The following CORO2A variants were observed in gnomAD, a reference collection of about 807,000 sequenced individuals.
CORO2A encodes the protein coronin 2A.
A neutral mutation model predicts 62.4 loss-of-function variants in CORO2A; 47 were observed. The observed-to-expected ratio is 0.75, with a 90% CI of 0.60 to 0.96. The LOEUF (loss-of-function observed/expected upper bound fraction) is 0.96, where lower values mean the gene tolerates loss of function less well. Ranked by LOEUF, CORO2A falls within the 40% of genes least tolerant of loss-of-function variation. The probability of loss-of-function intolerance (pLI) is 0.00; values close to 1 mark genes in which losing one functional copy is unlikely to be tolerated. For synonymous variants in CORO2A, 273 were observed against 268.9 expected (o/e 1.02, Z -0.15); for missense variants, 610 against 684.1 (o/e 0.89, Z 1.21).
chr9:98,189,580 A>G (rs936464214), intron 1 of CORO2A, among the ~76,000 whole-genome samples: 9 of 152,160 alleles, frequency 5.9e-5, no homozygotes, highest in Non-Finnish European at 1.3e-4. Flanking sequence ...GTTGGCTGTC[A>G]GAGCTCAAAC....
At chr9:98,145,427 T>C (rs1470408834) in intron 2 of CORO2A, among the ~76,000 whole-genome samples, 5 of 152,132 alleles carry the variant, frequency 3.3e-5, no homozygotes, top group Non-Finnish European at 5.9e-5. Flanking sequence ...ATTCCTTGAG[T>C]ATGTTCTTGT....
chr9:98,157,592 C>A lies in CORO2A; in HGVS notation c.69G>T (p.Glu23Asp). 1.9e-6 allele frequency: 3 copies of A among 1,614,102 alleles called. No individual in the cohort carries two copies. The highest frequency in any genetic ancestry group is 2.2e-5 in the South Asian group (2 of 91,090). ...TGATAGGCACGGAGTCGTAGCAGTTCTCCTTGCTGGCTGGTTTGCCAAAGA... is the reference window on the plus strand; with the variant it reads ...TGATAGGCACGGAGTCGTAGCAGTTATCCTTGCTGGCTGGTTTGCCAAAGA... The part of the protein sequence containing the change: ...RHVFGKPASK[E>D]NCYDSVPITR... The change falls in exon 2 of 12, where the codon GAG becomes GAT. Residue 23 changes from glutamate (E) to aspartate (D), a missense_variant. Glu to Asp is a conservative substitution (Grantham distance 45). Transcript: ENST00000375077.
At chr9:98,174,724 G>A (rs144091289) in intron 1 of CORO2A, among the ~76,000 whole-genome samples, 343 of 152,256 alleles carry the variant, frequency 2.3e-3, no homozygotes, top group Non-Finnish European at 3.8e-3. Flanking sequence ...TGTGAAGAAG[G>A]TGCCAGCTTC....
chr9:98,165,275 A>G (rs919983684), intron 1 of CORO2A, among the ~76,000 whole-genome samples: 1 of 152,160 alleles, frequency 6.6e-6, no homozygotes, highest in African/African-American at 2.4e-5. Flanking sequence ...TAACAATTCT[A>G]TTGTAAATTC....
intron 1 of CORO2A, among the ~76,000 whole-genome samples, chr9:98,172,059 A>G (rs1224741316): frequency 6.6e-6 from 1 of 152,016 alleles, no homozygotes; most frequent in African/African-American, 2.4e-5. Context: ...GCGGAACCCC[A>G]TGAGGAGGAG....
intron 2 of CORO2A, among the ~76,000 whole-genome samples, chr9:98,155,947 A>G (rs530748832): frequency 2.0e-4 from 30 of 151,204 alleles, no homozygotes; most frequent in Non-Finnish European, 3.8e-4. Context: ...TGGCCCTTTT[A>G]TCTTCTCTAA....
At position 98,142,524 on chromosome 9, in the gene CORO2A, G is replaced by C. The variant is rs563982454; in HGVS notation, c.202-4836C>G. On this transcript the variant is annotated intron_variant, in intron 2 of 11. Coordinates refer to ENST00000375077, the MANE Select transcript of CORO2A (RefSeq NM_052820.4). ...GGCTGTGGGGCACTGATTGCTCTCC[G>C]GGCCTTTAGACTCTGGCCCAGGGCC... Among the ~76,000 whole-genome samples, 38 of 152,336 alleles carry C rather than the reference G, an allele frequency of 2.5e-4. 1 individual carries two copies. In the South Asian group the frequency reaches 6.0e-3, roughly 24 times the overall value.
intron 3 of CORO2A, 44 bp downstream of exon 3, chr9:98,137,528 C>A: frequency 1.3e-6 from 2 of 1,518,224 alleles, no homozygotes; most frequent in Non-Finnish European, 1.8e-6. Context: ...CCACCCCAAT[C>A]CCACTCTTCA....
chr9:98,177,191 G>A (rs1289535732), intron 1 of CORO2A, among the ~76,000 whole-genome samples: 7 of 152,100 alleles, frequency 4.6e-5, no homozygotes, highest in African/African-American at 1.2e-4. Flanking sequence ...TAGAAAGGCC[G>A]GCAGAGCATC....
chr9:98,155,342 ATTTTTTT>A (rs11379239), intron 2 of CORO2A, among the ~76,000 whole-genome samples: 7 of 101,864 alleles, frequency 6.9e-5, no homozygotes, highest in African/African-American at 2.3e-4. Context: ...TTATTGCTCA[ATTTTTTT>A]TTTTTTTTTT....
intron 2 of CORO2A, among the ~76,000 whole-genome samples, chr9:98,145,028 G>A (rs1435957144): frequency 6.6e-6 from 1 of 152,112 alleles, no homozygotes; most frequent in Non-Finnish European, 1.5e-5. Context: ...AGGAATGGCA[G>A]CACTTCTAAA....
chr9:98,128,032 G>T (rs969805491), intron 10 of CORO2A, 138 bp downstream of exon 10: 8 of 660,278 alleles, frequency 1.2e-5, no homozygotes, highest in Non-Finnish European at 2.1e-5. Context: ...TACCCACTGG[G>T]GACTGAAGGT....
At chr9:98,178,448 G>A (rs182304623) in intron 1 of CORO2A, among the ~76,000 whole-genome samples, 47 of 152,334 alleles carry the variant, frequency 3.1e-4, no homozygotes. Context: ...TGTCCATTCT[G>A]TAAGCGCTAG....
At chr9:98,189,685 A>T (rs1828281146) in intron 1 of CORO2A, among the ~76,000 whole-genome samples, 1 of 147,148 alleles carries the variant, frequency 6.8e-6, no homozygotes, top group African/African-American at 2.5e-5. Flanking sequence ...CACAGTAGGG[A>T]AGAGGAAGAC....
chr9:98,142,070 A>T (rs113704606), intron 2 of CORO2A, among the ~76,000 whole-genome samples: 6 of 152,266 alleles, frequency 3.9e-5, no homozygotes. Context: ...AAGGTGTTTA[A>T]AAACAAAAAT....
intron 2 of CORO2A, among the ~76,000 whole-genome samples, chr9:98,147,523 T>G (rs1471097521): frequency 6.6e-6 from 1 of 152,200 alleles, no homozygotes; most frequent in Non-Finnish European, 1.5e-5. Context: ...CTGAGCTAGA[T>G]TAGAGCCTTG....
intron 2 of CORO2A, among the ~76,000 whole-genome samples, chr9:98,142,355 A>G (rs892501745): frequency 2.0e-5 from 3 of 152,198 alleles, no homozygotes; most frequent in Non-Finnish European, 4.4e-5. Context: ...CCCAAGTGTG[A>G]GCCTGGTGCT....
chr9:98,141,339 A>ACCAACGCTTAAG (rs3837266), intron 2 of CORO2A, among the ~76,000 whole-genome samples: 25,433 of 145,834 alleles, frequency 0.17, 2,395 homozygotes, highest in African/African-American at 0.22. Context: ...TCTCCATGGG[A>ACCAACGCTTAAG]CCACTGACCC....
intron 1 of CORO2A, among the ~76,000 whole-genome samples, chr9:98,171,625 C>T (rs573735613): frequency 1.3e-5 from 2 of 152,184 alleles, no homozygotes; most frequent in African/African-American, 2.4e-5. Flanking sequence ...CGGGAGGATA[C>T]GACTGAGCTG....
Sources: gnomAD v4.1 joint callset for allele counts (sites outside exome capture counted in the v4.1 genomes callset) on GRCh38, gnomAD v4.1.1 for gene constraint, MANE v1.5 for transcripts, NCBI Gene and HGNC (gene_info 2026-07-23, HGNC 2026-07-21) for gene names.